LRRC40: variants seen among roughly 807,000 people sequenced by gnomAD.
LRRC40 encodes leucine-rich repeat-containing protein 40.
LRRC40 carries 76 observed loss-of-function variants against 72.8 expected under a neutral mutation model. The observed-to-expected ratio is 1.04, with a 90% CI of 0.87 to 1.26. LRRC40 has a LOEUF of 1.26. Among genes scored for constraint, LRRC40 ranks in the 50% most tolerant of loss-of-function variants. LRRC40 has a pLI of 0.00. For missense variants in LRRC40, 684 were observed against 698.9 expected (o/e 0.98, Z 0.24); for synonymous variants, 243 against 254.2 (o/e 0.96, Z 0.42).
At chr1:70,164,379 A>C (rs1667834375) in intron 9 of LRRC40, among the ~76,000 whole-genome samples, 1 of 152,070 alleles carries the variant, frequency 6.6e-6, no homozygotes, top group African/African-American at 2.4e-5. Flanking sequence ...AACGAGAGCG[A>C]AACTCCATAT....
chr1:70,177,301 C>T (rs892911266), intron 6 of LRRC40, among the ~76,000 whole-genome samples: 13 of 152,076 alleles, frequency 8.5e-5, no homozygotes, highest in African/African-American at 2.4e-4. Context: ...ATCAAAGATT[C>T]TGCCTCAAAA....
intron 1 of LRRC40, 73 bp downstream of exon 1, chr1:70,205,317 G>C (rs1668912700): frequency 2.1e-6 from 3 of 1,415,832 alleles, no homozygotes; most frequent in Admixed American, 2.1e-5. Flanking sequence ...AGCCAGCCCA[G>C]AGAAAAGGGA....
chr1:70,157,741 C>T lies in LRRC40; in HGVS notation c.1220+1589G>A, dbSNP rs566255162. 3.3e-5 allele frequency among the ~76,000 whole-genome samples: 5 copies of T among 152,218 alleles called. No individual in the cohort carries two copies. In the South Asian group the frequency reaches 1.0e-3, roughly 32 times the overall value. On this transcript the variant is annotated intron_variant, in intron 10 of 14. Transcript: ENST00000370952. ...ATCAGTTTATTTATGATACCTAGCA[C>T]AGAATGTGATACTTAGTAGACTCCA...
chr1:70,175,017 A>G (rs2100291040), intron 7 of LRRC40, among the ~76,000 whole-genome samples: 1 of 152,222 alleles, frequency 6.6e-6, no homozygotes, highest in Middle Eastern at 3.4e-3. Context: ...AAATATAGAC[A>G]CTGGTGGGGC....
intron 6 of LRRC40, among the ~76,000 whole-genome samples, chr1:70,176,309 G>A (rs1303595639): frequency 6.6e-6 from 1 of 152,024 alleles, no homozygotes; most frequent in African/African-American, 2.4e-5. Flanking sequence ...GAGGCAGGCA[G>A]ATCACAAGTT....
At chr1:70,157,431 G>A (rs774766583) in intron 10 of LRRC40, among the ~76,000 whole-genome samples, 69 of 152,122 alleles carry the variant, frequency 4.5e-4, no homozygotes, top group Non-Finnish European at 8.8e-4. Context: ...AAACAAATCC[G>A]AATAAATTTA....
intron 11 of LRRC40, 31 bp downstream of exon 11, chr1:70,155,658 C>A (rs1667621286): frequency 9.8e-7 from 1 of 1,020,654 alleles, no homozygotes; most frequent in Non-Finnish European, 1.4e-6. Flanking sequence ...GAATGAGTCA[C>A]AACCTATAGA....
At position 70,181,198 on chromosome 1, in the gene LRRC40, G is replaced by A. The variant is rs775978500; in HGVS notation, c.549C>T (p.Asn183=). Reference sequence around the variant, plus strand: ...TAGCAGGAACAGTTGTAAGATGATTGTTTGAAAGATCCTTTAAAAAGAGAA... The same window carrying A: ...TAGCAGGAACAGTTGTAAGATGATTATTTGAAAGATCCTTTAAAAAGAGAA... ...LSNLEDLDLS[N]NHLTTVPASF... is the part of the protein sequence containing the mutation. The change falls in exon 5 of 15, where the codon AAC becomes AAT. Residue 183 remains asparagine (N), a synonymous_variant. Coordinates refer to ENST00000370952, the MANE Select transcript of LRRC40 (RefSeq NM_017768.5). The A allele has an allele frequency of 3.2e-6, 5 of 1,547,412 alleles. No individual in the cohort carries two copies. Among genetic ancestry groups the A allele is most frequent in the Non-Finnish European group, 4.3e-6 (5 of 1,152,048 alleles).
At chr1:70,174,731 A>G (rs765066224) in intron 7 of LRRC40, among the ~76,000 whole-genome samples, 14 of 152,104 alleles carry the variant, frequency 9.2e-5, no homozygotes, top group Non-Finnish European at 1.9e-4. Context: ...AAAGGACAAA[A>G]CTATAGTAAC....
Position 70,168,364 on chromosome 1 carries a change from C to G in LRRC40, c.1111+5101G>C, listed in dbSNP as rs144059807. Among the ~76,000 whole-genome samples, 3 of 152,302 alleles carry G rather than the reference C, an allele frequency of 2.0e-5. No homozygotes were observed. The East Asian group carries it at 5.8e-4, about 29-fold the overall frequency. On this transcript the variant is annotated intron_variant, in intron 9 of 14. Transcript: ENST00000370952. ...TGGTTCAAAGAAAGGAGAGGCAAAC[C>G]AAGAGAACCTAAGTCTATTGCTGAC...
In LRRC40 at chr1:70,151,166, T is replaced by C; in HGVS notation, c.1479A>G (p.Ser493=). The part of the protein sequence containing the change: ...FLNSLPEEME[S]LVRLQTINLS... ...GATTGATCGTTTGCAGTCTTACCAG[T>C]GATTCCATTTCTTCTGGCAAAGAAT... Residue 493 remains serine, a synonymous_variant, in exon 13 of 15, where the codon TCA becomes TCG. Transcript: ENST00000370952. The C allele has an allele frequency of 6.3e-7, 1 of 1,589,354 alleles. No homozygotes were observed. The highest frequency in any genetic ancestry group is 1.1e-5 in the South Asian group (1 of 89,866).
At chr1:70,194,275 T>C (rs769232895) in intron 1 of LRRC40, among the ~76,000 whole-genome samples, 2 of 151,936 alleles carry the variant, frequency 1.3e-5, no homozygotes, top group African/African-American at 4.8e-5. Context: ...TATAGAAAAA[T>C]CAACTATGTT....
rs142516871 is a variant in LRRC40 at position 70,172,601 on chromosome 1, G to C, written c.1111+864C>G. On this transcript the variant is annotated intron_variant, in intron 9 of 14. Transcript: ENST00000370952. ...CATGACCTCTAACTGATTCATGACA[G>C]AATAATCAATTTGTTCTGGAAGAGA... Among the ~76,000 whole-genome samples the C allele has an allele frequency of 4.0e-4, 61 of 152,212 alleles. No homozygotes were observed. In the East Asian group the frequency reaches 0.011, roughly 26 times the overall value.
rs565722817 is a variant in LRRC40, at chr1:70,147,720, T to C, written c.1703+767A>G. ...TACTAACATGAGGTACTAGAGCAGA[T>C]ACCAGTGTTGCTCCAGTGAAGTAAA... On this transcript the variant is annotated intron_variant, in intron 14 of 14. Transcript: ENST00000370952. 1.1e-4 allele frequency among the ~76,000 whole-genome samples: 16 copies of C among 152,312 alleles called. No individual in the cohort carries two copies. The East Asian group carries it at 2.9e-3, about 28-fold the overall frequency.
rs148417163 is a variant in LRRC40 at position 70,155,732 on chromosome 1, A to C, written c.1285T>G (p.Ser429Ala). ...FDAVKSNIVTSINFSKNQLCE... is the reference protein window; with the variant it reads ...FDAVKSNIVTAINFSKNQLCE... Reference sequence around the variant, plus strand: ...AGTTGATTCTTACTGAAGTTAATAGAAGTGACGATGTTGCTTTTTACTGCA... The same window carrying C: ...AGTTGATTCTTACTGAAGTTAATAGCAGTGACGATGTTGCTTTTTACTGCA... The change falls in exon 11 of 15, where the codon TCT (serine) becomes GCT (alanine). Residue 429 changes from serine (S) to alanine (A), a missense_variant. Coordinates refer to ENST00000370952, the MANE Select transcript of LRRC40 (RefSeq NM_017768.5). 166 of 1,581,230 alleles carry C rather than the reference A, an allele frequency of 1.0e-4. 2 individuals are homozygous for C. In the East Asian group the frequency reaches 3.6e-3, roughly 34 times the overall value.
rs1485111323 is a variant in LRRC40, at chr1:70,187,157, A to G, written c.407+108T>C. On this transcript the variant is annotated intron_variant, in intron 3 of 14. Transcript: ENST00000370952. ...TTAAAATTCTTATTCTGCTTTAACT[A>G]CTTTCTGAGATAATTCAAAGATATT... is the stretch of plus-strand genomic sequence containing the variant. 12 of 601,592 alleles carry G rather than the reference A, an allele frequency of 2.0e-5. No individual in the cohort carries two copies. In the Admixed American group the frequency reaches 3.0e-4, roughly 15 times the overall value. The allele number at this position is 601,592 out of a possible 1,614,324, so 37.3% of individuals were successfully genotyped here.
chr1:70,173,932 A>G (rs1668050183), intron 7 of LRRC40, among the ~76,000 whole-genome samples: 1 of 152,066 alleles, frequency 6.6e-6, no homozygotes, highest in Non-Finnish European at 1.5e-5. Flanking sequence ...TAATTTTAAA[A>G]AAGTGAGCTA....
Position 70,153,633 on chromosome 1 carries a change from T to C in LRRC40, c.1329-1090A>G, listed in dbSNP as rs187458575. Among the ~76,000 whole-genome samples the C allele has an allele frequency of 2.6e-3, 398 of 152,280 alleles. 4 individuals are homozygous for C. The highest frequency in any genetic ancestry group is 8.7e-3 in the African/African-American group (363 of 41,564). Reference sequence around the variant, plus strand: ...CCTTAAAGTATACAGTTAAATTACATTTTTAAAGTATGGTTTATAAACAGA... The same window carrying C: ...CCTTAAAGTATACAGTTAAATTACACTTTTAAAGTATGGTTTATAAACAGA... On this transcript the variant is annotated intron_variant, in intron 11 of 14. Coordinates refer to ENST00000370952, the MANE Select transcript of LRRC40 (RefSeq NM_017768.5).
intron 13 of LRRC40, among the ~76,000 whole-genome samples, chr1:70,150,103 G>C (rs926626996): frequency 1.3e-5 from 2 of 152,018 alleles, no homozygotes; most frequent in African/African-American, 4.8e-5. Flanking sequence ...ATTTTTAGTA[G>C]AGATGGAGTT....
Sources: gnomAD v4.1 joint callset for allele counts (sites outside exome capture counted in the v4.1 genomes callset) on GRCh38, gnomAD v4.1.1 for gene constraint, MANE v1.5 for transcripts, NCBI Gene and HGNC (gene_info 2026-07-23, HGNC 2026-07-21) for gene names.